The following CFAP74 variants were observed in gnomAD, a reference collection of about 807,000 sequenced individuals.
The protein encoded by CFAP74 is cilia and flagella associated protein 74, also known as cilia- and flagella-associated protein 74.
In CFAP74, 124 loss-of-function variants were observed where a neutral mutation model predicts 188.9. That is an observed-to-expected ratio of 0.66 (90% CI 0.57 to 0.76). CFAP74 has a LOEUF of 0.76. Among genes scored for constraint, CFAP74 ranks in the 30% least tolerant of loss-of-function variants. The pLI is 0.00. For synonymous variants in CFAP74, 956 were observed against 916.7 expected, an observed-to-expected ratio of 1.04 and a Z score of -0.77; for missense variants, 2,198 against 2,165.2, an observed-to-expected ratio of 1.02 and a Z score of -0.30.
chr1:2,002,914 T>C (rs562450453), intron 1 of CFAP74, among the ~76,000 whole-genome samples: 2 of 151,132 alleles, frequency 1.3e-5, no homozygotes, highest in East Asian at 1.9e-4. Context: ...GAAATTTATA[T>C]ATCATCTTTA....
chr1:1,929,476 TG>T (rs1266312861), intron 26 of CFAP74, among the ~76,000 whole-genome samples: 1 of 116,764 alleles, frequency 8.6e-6, no homozygotes, highest in East Asian at 2.7e-4. Context: ...GTAATGTGTG[TG>T]GGGGTGAGAA....
At chr1:1,924,965 C>T (rs1023442458) in intron 33 of CFAP74, among the ~76,000 whole-genome samples, 5 of 151,896 alleles carry the variant, frequency 3.3e-5, no homozygotes, top group Admixed American at 1.3e-4. Context: ...GACCCACACT[C>T]GTGCGAAGGC....
intron 21 of CFAP74, among the ~76,000 whole-genome samples, chr1:1,943,470 G>C (rs1653529445): frequency 6.6e-6 from 1 of 152,258 alleles, no homozygotes; most frequent in Non-Finnish European, 1.5e-5. Flanking sequence ...GGTGCCCGGG[G>C]CCTCTGTGTC....
chr1:1,939,380 G>A (rs554773221), intron 24 of CFAP74, among the ~76,000 whole-genome samples: 6 of 152,332 alleles, frequency 3.9e-5, no homozygotes, highest in Admixed American at 6.5e-5. Context: ...GATCTGGAGC[G>A]CAGGAGGTGC....
chr1:1,944,364 C>T lies in CFAP74; in HGVS notation c.2453G>A (p.Arg818Gln), dbSNP rs769648195. Residue 818 changes from arginine (R) to glutamine (Q), a missense_variant, in exon 21 of 39, where the codon CGG becomes CAG. By Grantham distance (43) the Arg-to-Gln change is conservative. Transcript: ENST00000682832. ...SVDLKICMYD[R>Q]LYQDSVLVHT... ...CACGAGCACAGAGTCCTGGTAGAGCCGGTCATACATGCAGATCTTCAGGTC... is the reference window on the plus strand; with the variant it reads ...CACGAGCACAGAGTCCTGGTAGAGCTGGTCATACATGCAGATCTTCAGGTC... 51 of 1,535,992 alleles carry T rather than the reference C, an allele frequency of 3.3e-5. No individual in the cohort carries two copies. The East Asian group carries it at 9.8e-4, about 29-fold the overall frequency.
At chr1:1,986,065 C>A (rs2102101991) in intron 5 of CFAP74, among the ~76,000 whole-genome samples, 2 of 152,326 alleles carry the variant, frequency 1.3e-5, no homozygotes, top group Non-Finnish European at 2.9e-5. Flanking sequence ...TCCTGGGTGC[C>A]ACAGTCCAGG....
rs1651426561 is a variant in CFAP74, at chr1:1,922,104, T to A, written c.*183A>T. ...GGGTCTCAGGAGGGGTGCTCTTGGA[T>A]GTCCCTGGGCTTGCGGGGTCCAGGG... is the stretch of plus-strand genomic sequence containing the variant. On this transcript the variant is annotated 3_prime_UTR_variant, in exon 39 of 39. Coordinates refer to ENST00000682832, the MANE Select transcript of CFAP74 (RefSeq NM_001304360.2). 1 of 566,018 alleles carries A rather than the reference T, an allele frequency of 1.8e-6. No individual in the cohort carries two copies. The highest frequency in any genetic ancestry group is 3.1e-6 in the Non-Finnish European group (1 of 321,328). 35.1% of individuals were successfully genotyped at this position (566,018 alleles called of 1,614,324 possible).
At chr1:1,939,024 G>C in intron 24 of CFAP74, 36 bp from the exon 25 acceptor site, 1 of 1,529,490 alleles carries the variant, frequency 6.5e-7, no homozygotes, top group Admixed American at 2.0e-5. Flanking sequence ...GCATGTCACG[G>C]GGAGACCATG....
At chr1:1,987,749 C>T (rs1394264159) in intron 4 of CFAP74, among the ~76,000 whole-genome samples, 2 of 152,054 alleles carry the variant, frequency 1.3e-5, no homozygotes, top group Non-Finnish European at 2.9e-5. Flanking sequence ...ACCATATTGG[C>T]CAGGCTGGTC....
intron 18 of CFAP74, chr1:1,955,385 CA>C (rs767858286): frequency 1.5e-5 from 21 of 1,381,304 alleles, no homozygotes; most frequent in Middle Eastern, 3.9e-4. Context: ...CCGGCCCCTC[CA>C]GGGGGCACCG....
Position 1,930,158 on chromosome 1 carries a change from C to T in CFAP74, c.3190G>A (p.Asp1064Asn), listed in dbSNP as rs1429930969. Residue 1064 changes from aspartate (D) to asparagine (N), a missense_variant, in exon 26 of 39, where the codon GAC becomes AAC. Transcript: ENST00000682832. ...GACGTGGGCCCCATGGGAGAGGCGTCCTCTGAGCCAATGCGGGGCTTGGAG... is the reference window on the plus strand; with the variant it reads ...GACGTGGGCCCCATGGGAGAGGCGTTCTCTGAGCCAATGCGGGGCTTGGAG... ...THSKPRIGSEDASPMGPTSFE... is the reference protein window; with the variant it reads ...THSKPRIGSENASPMGPTSFE... 2 of 1,535,670 alleles carry T rather than the reference C, an allele frequency of 1.3e-6. No individual in the cohort carries two copies. Among genetic ancestry groups the T allele is most frequent in the Admixed American group, 3.9e-5 (2 of 50,982 alleles).
intron 9 of CFAP74, among the ~76,000 whole-genome samples, chr1:1,971,222 C>T (rs563583919): frequency 5.6e-4 from 84 of 151,226 alleles, no homozygotes; most frequent in African/African-American, 8.5e-4. Context: ...CACACATACG[C>T]GTGCACGCCT....
At chr1:1,933,719 T>C (rs1341367480) in intron 25 of CFAP74, among the ~76,000 whole-genome samples, 1 of 152,238 alleles carries the variant, frequency 6.6e-6, no homozygotes, top group Non-Finnish European at 1.5e-5. Context: ...TATTAAATTG[T>C]ACAAGAAAGA....
Position 1,988,872 on chromosome 1 carries a change from C to T in CFAP74, c.152+17G>A. ...CACCCCCCCACACCCACCTCCACCC[C>T]CGATCCTCCGAGTTACCTGCTGTGT... On this transcript the variant is annotated intron_variant, in intron 3 of 38. Transcript: ENST00000682832. The T allele has an allele frequency of 1.7e-6, 2 of 1,210,816 alleles. No individual in the cohort carries two copies. Among genetic ancestry groups the T allele is most frequent in the Non-Finnish European group, 2.3e-6 (2 of 851,188 alleles). 75.0% of individuals were successfully genotyped at this position (1,210,816 alleles called of 1,614,324 possible).
At chr1:1,940,491 C>T (rs950720546) in intron 22 of CFAP74, 88 bp from the exon 23 acceptor site, 3 of 877,274 alleles carry the variant, frequency 3.4e-6, no homozygotes. Context: ...GCTTCTACAT[C>T]CCGTGAGAGC....
chr1:1,930,302 G>A lies in CFAP74; in HGVS notation c.3046C>T (p.His1016Tyr), dbSNP rs1252605556. 14 of 1,531,578 alleles carry A rather than the reference G, an allele frequency of 9.1e-6. No individual in the cohort carries two copies. The highest frequency in any genetic ancestry group is 2.4e-5 in the South Asian group (2 of 83,938). The allele number at this position is 1,531,578 out of a possible 1,614,324, so 94.9% of individuals were successfully genotyped here. A position where few individuals can be genotyped will look rare whatever the true frequency, so the allele number is the denominator to read the frequency against. The change falls in exon 26 of 39, where the codon CAC (histidine) becomes TAC (tyrosine). Residue 1016 changes from histidine to tyrosine, a missense_variant. Physicochemically the swap from His to Tyr is moderately conservative, Grantham distance 83. Transcript: ENST00000682832. ...FKLSCRAVGV[H>Y]PPLELSHYQI... ...TAGTGGGACAGCTCCAGGGGTGGGT[G>A]GACGCCTACAGCCCGGCAAGACAGC...
intron 1 of CFAP74, among the ~76,000 whole-genome samples, chr1:1,998,096 G>A (rs1322717900): frequency 1.3e-5 from 2 of 152,208 alleles, no homozygotes; most frequent in East Asian, 3.9e-4. Flanking sequence ...TGGCCAATAT[G>A]GTAAAACCTC....
chr1:1,990,223 C>T (rs1049321135), intron 2 of CFAP74, among the ~76,000 whole-genome samples: 4 of 152,186 alleles, frequency 2.6e-5, no homozygotes, highest in African/African-American at 9.7e-5. Flanking sequence ...AAGGGGTTCT[C>T]AGACAAAAGA....
At position 1,923,886 on chromosome 1, in the gene CFAP74, G is replaced by C; in HGVS notation, c.4278C>G (p.Pro1426=). ...TCCCGGGGTCCATGACGCCCTTGAC[G>C]GGGGCCACGCTGAACACGCTCTGAC... is the stretch of plus-strand genomic sequence containing the variant. ...LNGQSVFSVA[P]VKGVMDPGKT... is the part of the protein sequence containing the mutation. Residue 1426 remains proline, a synonymous_variant, in exon 35 of 39, where the codon CCC becomes CCG. Coordinates refer to ENST00000682832, the MANE Select transcript of CFAP74 (RefSeq NM_001304360.2). This position sits in a 1 kb window ranked among gnomAD's most constrained non-coding sequence, Gnocchi z 6.3. 6.2e-7 allele frequency: 1 copy of C among 1,612,868 alleles called. No individual in the cohort carries two copies. Among genetic ancestry groups the C allele is most frequent in the Non-Finnish European group, 8.5e-7 (1 of 1,179,662 alleles).
Sources: gnomAD v4.1 joint callset for allele counts (sites outside exome capture counted in the v4.1 genomes callset) on GRCh38, gnomAD v4.1.1 for gene constraint, Gnocchi (gnomAD v3.1) non-coding constraint, MANE v1.5 for transcripts, NCBI Gene and HGNC (gene_info 2026-07-23, HGNC 2026-07-21) for gene names.